Variants in BCAS3 observed in about 807,000 individuals in gnomAD.
BCAS3 encodes the protein BCAS3 microtubule associated cell migration factor.
In BCAS3, 53 loss-of-function variants were observed where a neutral mutation model predicts 116.1. The ratio of observed to expected loss-of-function variants is 0.46; its 90% confidence interval spans 0.37 to 0.57. The LOEUF (loss-of-function observed/expected upper bound fraction) is 0.57. BCAS3 is among the 20% of genes least tolerant of loss of function. The pLI is 0.00. For synonymous variants in BCAS3, 391 were observed against 408.2 expected (o/e 0.96, Z 0.51); for missense variants, 917 against 1,165.4 (o/e 0.79, Z 3.10).
chr17:60,814,865 C>T (rs1044967610), intron 7 of BCAS3, among the ~76,000 whole-genome samples: 2 of 152,070 alleles, frequency 1.3e-5, no homozygotes, highest in Admixed American at 6.5e-5. Flanking sequence ...TTCAGGAACA[C>T]TATTATTTAA....
At chr17:60,770,050 G>T (rs1203876219) in intron 6 of BCAS3, among the ~76,000 whole-genome samples, 1 of 152,076 alleles carries the variant, frequency 6.6e-6, no homozygotes, top group Admixed American at 6.5e-5. Context: ...TGGGATTATA[G>T]GTGTGAGCCA....
At chr17:60,837,907 T>C (rs1444397478) in intron 7 of BCAS3, among the ~76,000 whole-genome samples, 2 of 152,148 alleles carry the variant, frequency 1.3e-5, no homozygotes, top group African/African-American at 2.4e-5. Flanking sequence ...CCCGTTGGCC[T>C]CCCAAAGTGC....
intron 22 of BCAS3, among the ~76,000 whole-genome samples, chr17:61,178,117 T>G (rs1435332729): frequency 6.6e-6 from 1 of 152,198 alleles, no homozygotes; most frequent in African/African-American, 2.4e-5. Flanking sequence ...AAATTAAAAT[T>G]CACAGGTTCT....
intron 22 of BCAS3, among the ~76,000 whole-genome samples, chr17:61,093,064 G>A (rs533746778): frequency 2.7e-4 from 41 of 151,510 alleles, no homozygotes; most frequent in African/African-American, 6.3e-4. Context: ...CCACTACCAC[G>A]CCCAGCTAAT....
chr17:61,004,140 C>G lies in BCAS3; in HGVS notation c.1487-11611C>G, dbSNP rs373514975. 4.9e-4 allele frequency among the ~76,000 whole-genome samples: 75 copies of G among 152,120 alleles called. No homozygotes were observed. Among genetic ancestry groups the G allele is most frequent in the Non-Finnish European group, 9.7e-4 (66 of 68,024 alleles). On this transcript the variant is annotated intron_variant, in intron 15 of 23. Transcript: ENST00000407086. This position sits in a 1 kb window ranked among gnomAD's most constrained non-coding sequence, Gnocchi z 4.8. The stretch of plus-strand genomic sequence containing the variant: ...GAACCTGTTTGCATTTGATTATTGT[C>G]TTACTTCCCTAGTTAGGAGGACAGT...
rs1568909738 is a variant in BCAS3 at position 61,347,408 on chromosome 17, G to C, written c.2426-20919G>C. 6.6e-6 allele frequency among the ~76,000 whole-genome samples: 1 copy of C among 152,196 alleles called. No individual in the cohort carries two copies. The highest frequency in any genetic ancestry group is 1.5e-5 in the Non-Finnish European group (1 of 68,042). On this transcript the variant is annotated intron_variant, in intron 22 of 23. Coordinates refer to ENST00000407086, the MANE Select transcript of BCAS3 (RefSeq NM_017679.5). The surrounding 1 kb of genome is among the most constrained non-coding windows in gnomAD (Gnocchi z 4.3). ...GAATCACTCTTCAGATATTTGAATA[G>C]TGAAATTGTAGCTTTCATATTGTCT...
chr17:60,981,397 C>T (rs1430715309), intron 14 of BCAS3, among the ~76,000 whole-genome samples: 1 of 152,016 alleles, frequency 6.6e-6, no homozygotes, highest in Non-Finnish European at 1.5e-5. Flanking sequence ...ATTCTCCTGC[C>T]TCAGCCTCCC....
At chr17:60,874,569 T>C in intron 8 of BCAS3, 93 bp from the exon 9 acceptor site, 2 of 815,348 alleles carry the variant, frequency 2.5e-6, no homozygotes, top group Non-Finnish European at 3.9e-6. Context: ...GGCACTTGTT[T>C]TCATCTAGAT....
intron 14 of BCAS3, among the ~76,000 whole-genome samples, chr17:60,974,491 G>T (rs1668871507): frequency 6.6e-6 from 1 of 151,930 alleles, no homozygotes; most frequent in Admixed American, 6.6e-5. Context: ...TTCTCAAATC[G>T]ATGAAATATT....
chr17:61,030,922 G>A (rs761251320), intron 16 of BCAS3, among the ~76,000 whole-genome samples: 1 of 151,720 alleles, frequency 6.6e-6, no homozygotes, highest in Non-Finnish European at 1.5e-5. Context: ...GGAGTCCATC[G>A]AGAGTATGTC....
chr17:61,229,700 T>C lies in BCAS3; in HGVS notation c.2426-138627T>C, dbSNP rs1468182230. ...TGAGCCACATTCTTGTGCTTCTCCATTTACATAGCTCTAATAGTAGAGGAG... is the reference window on the plus strand; with the variant it reads ...TGAGCCACATTCTTGTGCTTCTCCACTTACATAGCTCTAATAGTAGAGGAG... On this transcript the variant is annotated intron_variant, in intron 22 of 23. Coordinates refer to ENST00000407086, the MANE Select transcript of BCAS3 (RefSeq NM_017679.5). The surrounding 1 kb of genome is among the most constrained non-coding windows in gnomAD (Gnocchi z 4.4). Among the ~76,000 whole-genome samples, 1 of 152,228 alleles carries C rather than the reference T, an allele frequency of 6.6e-6. No homozygotes were observed. Among genetic ancestry groups the C allele is most frequent in the Non-Finnish European group, 1.5e-5 (1 of 68,044 alleles).
At chr17:61,005,764 T>C (rs1340703303) in intron 15 of BCAS3, among the ~76,000 whole-genome samples, 1 of 151,778 alleles carries the variant, frequency 6.6e-6, no homozygotes, top group African/African-American at 2.4e-5. Flanking sequence ...TACTTTTTTT[T>C]TTTTTAGGAA....
At chr17:61,345,752 G>T (rs563566456) in intron 22 of BCAS3, among the ~76,000 whole-genome samples, 177 of 152,228 alleles carry the variant, frequency 1.2e-3, no homozygotes, top group Admixed American at 1.7e-3. Context: ...CCCCAAACAC[G>T]GGGATGGGCA....
rs1491413651 is a variant in BCAS3, at chr17:61,046,011, T to TA, written c.2029+5119_2029+5120insA. The stretch of plus-strand genomic sequence containing the variant: ...TATTTATATATATATAATATATATA[T>TA]TTATATATATATTATATATATATTT... On this transcript the variant is annotated intron_variant, in intron 19 of 23. Transcript: ENST00000407086. 6.3e-3 allele frequency among the ~76,000 whole-genome samples: 58 copies of TA among 9,220 alleles called. 2 individuals carry two copies. Among genetic ancestry groups the TA allele is most frequent in the African/African-American group, 0.047 (54 of 1,148 alleles). The allele number at this position is 9,220 out of a possible 152,430, so 6.0% of individuals were successfully genotyped here.
chr17:60,785,670 A>G (rs907599015), intron 6 of BCAS3, among the ~76,000 whole-genome samples: 27 of 152,372 alleles, frequency 1.8e-4, no homozygotes, highest in African/African-American at 6.5e-4. Context: ...AGGAATTTAC[A>G]TGAAGTATTG....
intron 9 of BCAS3, among the ~76,000 whole-genome samples, chr17:60,880,098 C>G (rs537267245): frequency 3.4e-4 from 52 of 152,258 alleles, no homozygotes; most frequent in African/African-American, 1.3e-3. Flanking sequence ...TCTCTGCACA[C>G]AATTCTCACC....
intron 21 of BCAS3, among the ~76,000 whole-genome samples, 182 bp downstream of exon 21, chr17:61,078,711 C>T (rs918815433): frequency 2.6e-5 from 4 of 152,224 alleles, no homozygotes; most frequent in African/African-American, 9.6e-5. Context: ...CGTGGGATCA[C>T]ATTACGTGCA....
intron 10 of BCAS3, among the ~76,000 whole-genome samples, chr17:60,898,860 G>A (rs1352629453): frequency 6.6e-6 from 1 of 152,056 alleles, no homozygotes; most frequent in African/African-American, 2.4e-5. Context: ...CTGGGGGTTC[G>A]GGAGGTAGTC....
chr17:60,734,554 C>T lies in BCAS3; in HGVS notation c.322-12644C>T, dbSNP rs2040780465. ...CATTCATTTTATTGCATGTGGGTGT[C>T]CAGTTTTTTCAGCACTATTTGTTGA... On this transcript the variant is annotated intron_variant, in intron 5 of 23. Transcript: ENST00000407086. Among the ~76,000 whole-genome samples the T allele has an allele frequency of 2.0e-5, 3 of 152,148 alleles. No individual in the cohort carries two copies. In the South Asian group the frequency reaches 6.2e-4, roughly 32 times the overall value.
Sources: allele counts gnomAD v4.1 joint callset (sites outside exome capture counted in the v4.1 genomes callset), GRCh38; gene constraint gnomAD v4.1.1; non-coding constraint Gnocchi (gnomAD v3.1); transcripts MANE v1.5; gene names NCBI Gene and HGNC (gene_info 2026-07-23, HGNC 2026-07-21).